Variants in TRIM36 observed in about 807,000 individuals in gnomAD.
The protein encoded by TRIM36 is tripartite motif containing 36, also known as E3 ubiquitin-protein ligase TRIM36.
Under a neutral mutation model 72.4 loss-of-function variants are expected in TRIM36, and 42 were observed. The ratio of observed to expected loss-of-function variants is 0.58; its 90% CI spans 0.45 to 0.75. The LOEUF (loss-of-function observed/expected upper bound fraction) is 0.75. TRIM36 is among the 30% of genes least tolerant of loss of function. The probability of loss-of-function intolerance (pLI) is 0.00; values close to 1 mark genes in which losing one functional copy is unlikely to be tolerated. For synonymous variants in TRIM36, 315 were observed against 282.8 expected (o/e 1.11, Z -1.14); for missense variants, 913 against 857.1 (o/e 1.07, Z -0.81).
At chr5:115,175,090 T>C (rs151261584) in intron 1 of TRIM36, among the ~76,000 whole-genome samples, 1,935 of 152,178 alleles carry the variant, frequency 0.013, 32 homozygotes, top group Non-Finnish European at 0.018. Flanking sequence ...CCCAGTTAAA[T>C]TGGAATTTCA....
At chr5:115,157,716 A>G (rs1754256665) in intron 2 of TRIM36, among the ~76,000 whole-genome samples, 1 of 152,210 alleles carries the variant, frequency 6.6e-6, no homozygotes. Context: ...AAACGTGGAA[A>G]AAACCCAAAT....
intron 1 of TRIM36, among the ~76,000 whole-genome samples, chr5:115,178,204 C>G (rs746441231): frequency 6.6e-6 from 1 of 152,198 alleles, no homozygotes; most frequent in Non-Finnish European, 1.5e-5. Context: ...CCAACTAATA[C>G]AATTCTGGCT....
chr5:115,167,330 T>C (rs1337852636), intron 1 of TRIM36, among the ~76,000 whole-genome samples: 1 of 152,224 alleles, frequency 6.6e-6, no homozygotes. Context: ...CCTGGAGACA[T>C]TTTACCCATA....
chr5:115,177,894 A>C lies in TRIM36; in HGVS notation c.63+2081T>G, dbSNP rs1391389721. On this transcript the variant is annotated intron_variant, in intron 1 of 9. Coordinates refer to the TRIM36 transcript ENST00000282369. ...AAGCCTAGTGAAGAGAGAGACAGAG[A>C]GAGAGAGAGCAGAGAAATCCAGTAA... is the stretch of plus-strand genomic sequence containing the variant. 3.7e-6 allele frequency: 6 copies of C among 1,612,464 alleles called. No individual in the cohort carries two copies. In the South Asian group the frequency reaches 6.6e-5, roughly 18 times the overall value.
intron 5 of TRIM36, 125 bp from the exon 6 acceptor site, chr5:115,137,741 C>G: frequency 8.8e-7 from 1 of 1,131,620 alleles, no homozygotes; most frequent in Non-Finnish European, 1.2e-6. Context: ...ACAGCATTAT[C>G]AAAATTTGAT....
At chr5:115,178,183 G>C (rs1407523252) in intron 1 of TRIM36, among the ~76,000 whole-genome samples, 1 of 152,164 alleles carries the variant, frequency 6.6e-6, no homozygotes, top group Non-Finnish European at 1.5e-5. Context: ...TGCTATTGAA[G>C]GAAAGCATAG....
intron 2 of TRIM36, among the ~76,000 whole-genome samples, chr5:115,155,897 C>T (rs769874302): frequency 7.2e-5 from 11 of 152,070 alleles, no homozygotes; most frequent in African/African-American, 2.2e-4. Context: ...TTTTTTACCT[C>T]GAAAACCCTA....
At position 115,126,657 on chromosome 5, in the gene TRIM36, T is replaced by A; in HGVS notation, c.1997A>T (p.Asp666Val). 6.2e-7 allele frequency: 1 copy of A among 1,614,166 alleles called. No individual in the cohort carries two copies. Among genetic ancestry groups the A allele is most frequent in the Non-Finnish European group, 8.5e-7 (1 of 1,180,018 alleles). Residue 666 changes from aspartate (D) to valine (V), a missense_variant, in exon 10 of 10, where the codon GAT (aspartate) becomes GTT (valine). Transcript: ENST00000513154. ...TTTCATCTGATCCATATCATAGAAA[T>A]CTACTTTGCCTTTATCACAGTCAAG... ...IFLDCDKGKV[D>V]FYDMDQMKCL...
In TRIM36 at chr5:115,168,161, A is replaced by G. The variant is rs113888179; in HGVS notation, c.27+1447T>C. Among the ~76,000 whole-genome samples, 479 of 152,302 alleles carry G rather than the reference A, an allele frequency of 3.1e-3. 4 individuals carry two copies. The highest frequency in any genetic ancestry group is 0.011 in the African/African-American group (468 of 41,570). On this transcript the variant is annotated intron_variant, in intron 1 of 9. Transcript: ENST00000513154. The stretch of plus-strand genomic sequence containing the variant: ...AAGATGAGATTTGGGTGTGGACACA[A>G]AGCCTAACCATAACAGAATATTAAA...
chr5:115,126,534 G>T lies in TRIM36; in HGVS notation c.2120C>A (p.Ala707Glu). The change falls in exon 10 of 10, where the codon GCA (alanine) becomes GAA (glutamate). Residue 707 changes from alanine to glutamate, a missense_variant. Ala to Glu is a moderately radical substitution (Grantham distance 107, BLOSUM62 -1). Coordinates refer to ENST00000513154, the MANE Select transcript of TRIM36 (RefSeq NM_001300759.2). ...GTCCTCTTGGTATTCCAGATATTTT[G>T]CTGTGATGGGTTCTTCAAGCTGAAT... ...GGIQLEEPITAKYLEYQEDM is the reference protein window; with the variant it reads ...GGIQLEEPITEKYLEYQEDM 1 of 1,610,186 alleles carries T rather than the reference G, an allele frequency of 6.2e-7. No individual in the cohort carries two copies. The highest frequency in any genetic ancestry group is 8.5e-7 in the Non-Finnish European group (1 of 1,176,736).
At chr5:115,169,484 C>A in intron 1 of TRIM36, 124 bp downstream of exon 1, 2 of 1,057,546 alleles carry the variant, frequency 1.9e-6, no homozygotes, top group Non-Finnish European at 2.6e-6. Flanking sequence ...AAGCGGGATC[C>A]CCACACGCCT....
intron 1 of TRIM36, among the ~76,000 whole-genome samples, chr5:115,166,360 T>C (rs1032032298): frequency 4.6e-5 from 7 of 152,146 alleles, no homozygotes; most frequent in Non-Finnish European, 7.3e-5. Flanking sequence ...AGGTAAGAGC[T>C]ACCCACTTGG....
At chr5:115,165,825 A>C (rs1754742217) in intron 1 of TRIM36, among the ~76,000 whole-genome samples, 1 of 151,902 alleles carries the variant, frequency 6.6e-6, no homozygotes, top group South Asian at 2.1e-4. Flanking sequence ...ACATGCTCAG[A>C]AGTGCCTGCT....
At chr5:115,173,377 G>A (rs1344308936), upstream of TRIM36, among the ~76,000 whole-genome samples, 1 of 152,102 alleles carries the variant, frequency 6.6e-6, no homozygotes, top group Non-Finnish European at 1.5e-5. Context: ...TATAAGTTGA[G>A]TATTTACAGA....
chr5:115,166,333 T>C (rs926215611), intron 1 of TRIM36, among the ~76,000 whole-genome samples: 7 of 152,162 alleles, frequency 4.6e-5, no homozygotes, highest in African/African-American at 1.4e-4. Context: ...TGGCAGATGA[T>C]AGGACGACCT....
At position 115,169,863 on chromosome 5, in the gene TRIM36, G is replaced by T; in HGVS notation, c.-229C>A. The T allele has an allele frequency of 7.6e-7, 1 of 1,308,554 alleles. No homozygotes were observed. 81.1% of individuals were successfully genotyped at this position (1,308,554 alleles called of 1,614,324 possible). A position where few individuals can be genotyped will look rare whatever the true frequency, so the allele number is the denominator to read the frequency against. Reference sequence around the variant, plus strand: ...GCTTTGCTCCCAGCGACTACCCCGGGAATCCCGCCCAGCTGCCGGCTGCAG... The same window carrying T: ...GCTTTGCTCCCAGCGACTACCCCGGTAATCCCGCCCAGCTGCCGGCTGCAG... On this transcript the variant is annotated 5_prime_UTR_variant, in exon 1 of 10. Coordinates refer to ENST00000513154, the MANE Select transcript of TRIM36 (RefSeq NM_001300759.2).
intron 2 of TRIM36, among the ~76,000 whole-genome samples, chr5:115,150,284 T>A (rs1040208878): frequency 2.6e-5 from 4 of 152,224 alleles, no homozygotes; most frequent in Admixed American, 2.0e-4. Context: ...CTGTGTCATC[T>A]GATACAGTAG....
rs185499418 is a variant in TRIM36, at chr5:115,128,854, C to G, written c.1796+1738G>C. Among the ~76,000 whole-genome samples the G allele has an allele frequency of 2.8e-3, 421 of 150,540 alleles. 3 individuals are homozygous for G. Among genetic ancestry groups the G allele is most frequent in the Admixed American group, 5.3e-3 (80 of 15,126 alleles). On this transcript the variant is annotated intron_variant, in intron 9 of 9. Transcript: ENST00000513154. ...ATACATTTAAATAAATTTAGTGCAG[C>G]CTAAGTGTATAGTGTGTTTGTAAAG...
chr5:115,131,730 G>A (rs1016421104), intron 8 of TRIM36, among the ~76,000 whole-genome samples: 1 of 152,062 alleles, frequency 6.6e-6, no homozygotes, highest in Non-Finnish European at 1.5e-5. Context: ...CTACATGTAT[G>A]GATAAATTTC....
Sources: gnomAD v4.1 joint callset for allele counts (sites outside exome capture counted in the v4.1 genomes callset) on GRCh38, gnomAD v4.1.1 for gene constraint, MANE v1.5 for transcripts, NCBI Gene and HGNC (gene_info 2026-07-23, HGNC 2026-07-21) for gene names.